The following ADCK1 variants were observed in gnomAD, a reference collection of about 807,000 sequenced individuals.
The protein encoded by ADCK1 is aarF domain-containing protein kinase 1.
ADCK1 carries 41 observed loss-of-function variants against 52.3 expected under a neutral mutation model. The ratio of observed to expected loss-of-function variants is 0.78; its 90% CI spans 0.61 to 1.02. The LOEUF (loss-of-function observed/expected upper bound fraction) is 1.02. ADCK1 is among the 50% of genes least tolerant of loss of function. The probability of loss-of-function intolerance (pLI) is 0.00; values close to 1 mark genes in which losing one functional copy is unlikely to be tolerated. For missense variants in ADCK1, 658 were observed against 679.5 expected, an observed-to-expected ratio of 0.97 and a Z score of 0.35; for synonymous variants, 250 against 274.6, an observed-to-expected ratio of 0.91 and a Z score of 0.89.
chr14:77,819,039 A>G lies in ADCK1; in HGVS notation c.61A>G (p.Ile21Val), dbSNP rs1357828455. The G allele has an allele frequency of 3.7e-6, 6 of 1,614,080 alleles. No individual in the cohort carries two copies. Among genetic ancestry groups the G allele is most frequent in the South Asian group, 3.3e-5 (3 of 91,082 alleles). ...CAGCATGGCTCTTGCTGCCTCTGGC[A>G]TCTACTTCTACAGTAACAAGTACTT... is the stretch of plus-strand genomic sequence containing the variant. ...WTSMALAASG[I>V]YFYSNKYLDP... is the part of the protein sequence containing the mutation. Residue 21 changes from isoleucine to valine, a missense_variant, in exon 2 of 11, where the codon ATC (isoleucine) becomes GTC (valine). Physicochemically the swap from Ile to Val is conservative, Grantham distance 29. Coordinates refer to ENST00000238561, the MANE Select transcript of ADCK1 (RefSeq NM_020421.4).
At chr14:77,880,113 T>G (rs1261419705) in intron 4 of ADCK1, among the ~76,000 whole-genome samples, 1 of 152,170 alleles carries the variant, frequency 6.6e-6, no homozygotes, top group Non-Finnish European at 1.5e-5. Flanking sequence ...TGTCTCAGAG[T>G]GCGCACACAG....
At position 77,800,174 on chromosome 14, in the gene ADCK1, A is replaced by T. The variant is rs1274570126; in HGVS notation, c.-12+4A>T. On this transcript the variant is annotated splice_donor_region_variant and intron_variant, in intron 1 of 10. Coordinates refer to ENST00000238561, the MANE Select transcript of ADCK1 (RefSeq NM_020421.4). Reference sequence around the variant, plus strand: ...CCGCGGCTCTGCTTCCCTCGGGGTGAGTAGGGGCAGCTCGCCGGAGGCCGG... The same window carrying T: ...CCGCGGCTCTGCTTCCCTCGGGGTGTGTAGGGGCAGCTCGCCGGAGGCCGG... The T allele has an allele frequency of 2.0e-5, 3 of 152,320 alleles. No homozygotes were observed. The highest frequency in any genetic ancestry group is 6.5e-5 in the Admixed American group (1 of 15,288). 9.4% of individuals were successfully genotyped at this position (152,320 alleles called of 1,614,324 possible). A position where few individuals can be genotyped will look rare whatever the true frequency, so the allele number is the denominator to read the frequency against.
intron 3 of ADCK1, 124 bp from the exon 4 acceptor site, chr14:77,858,952 A>C: frequency 2.3e-6 from 2 of 858,614 alleles, no homozygotes; most frequent in Admixed American, 2.4e-5. Flanking sequence ...GTGTGTGTGC[A>C]TGCATCTGCC....
intron 4 of ADCK1, among the ~76,000 whole-genome samples, chr14:77,864,067 C>T (rs1761446642): frequency 6.6e-6 from 1 of 152,084 alleles, no homozygotes; most frequent in Non-Finnish European, 1.5e-5. Context: ...ACCCCCTGGT[C>T]TTTCCTCCCA....
At chr14:77,813,956 CAG>C (rs1414026486) in intron 1 of ADCK1, among the ~76,000 whole-genome samples, 2 of 151,506 alleles carry the variant, frequency 1.3e-5, no homozygotes, top group African/African-American at 2.4e-5. Flanking sequence ...TTAGTAGAGA[CAG>C]GGTTTTGCCA....
intron 1 of ADCK1, among the ~76,000 whole-genome samples, chr14:77,814,792 A>G (rs1253765755): frequency 6.6e-6 from 1 of 151,290 alleles, no homozygotes; most frequent in African/African-American, 2.4e-5. Context: ...TAAAATGCAC[A>G]TTCTTGAATC....
Position 77,925,798 on chromosome 14 carries a change from A to G in ADCK1, c.1043A>G (p.His348Arg). 3 of 1,614,130 alleles carry G rather than the reference A, an allele frequency of 1.9e-6. No homozygotes were observed. Among genetic ancestry groups the G allele is most frequent in the Non-Finnish European group, 2.5e-6 (3 of 1,179,990 alleles). ...GAAGAATTCCGCCTGAATTACTGCC[A>G]CCTCTGGCAGTCTCTGATCTGGACT... ...LTEEFRLNYC[H>R]LWQSLIWTDM... Residue 348 changes from histidine to arginine, a missense_variant, in exon 9 of 11, where the codon CAC becomes CGC. By Grantham distance (29) the His-to-Arg change is conservative (BLOSUM62 0). Coordinates refer to ENST00000238561, the MANE Select transcript of ADCK1 (RefSeq NM_020421.4).
At chr14:77,852,656 AATAAATATATATATATATATATAT>A (rs1382939436) in intron 3 of ADCK1, among the ~76,000 whole-genome samples, 313 of 26,186 alleles carry the variant, frequency 0.012, 14 homozygotes, top group African/African-American at 0.027. Context: ...TCTTTAAATA[AATAAATATATATATATATATATAT>A]ATATATATAT....
intron 8 of ADCK1, among the ~76,000 whole-genome samples, chr14:77,924,905 T>C (rs1227514142): frequency 6.6e-6 from 1 of 152,210 alleles, no homozygotes; most frequent in East Asian, 1.9e-4. Flanking sequence ...GCAAGGATCC[T>C]CAGAAGTGAG....
At chr14:77,899,609 T>G (rs2083487095) in intron 6 of ADCK1, among the ~76,000 whole-genome samples, 1 of 152,352 alleles carries the variant, frequency 6.6e-6, no homozygotes, top group Non-Finnish European at 1.5e-5. Flanking sequence ...CTAACACTAC[T>G]GTACGCTGGG....
At chr14:77,873,705 G>T (rs2082836474) in intron 4 of ADCK1, among the ~76,000 whole-genome samples, 1 of 152,124 alleles carries the variant, frequency 6.6e-6, no homozygotes, top group Non-Finnish European at 1.5e-5. Flanking sequence ...TTTATAAGGG[G>T]CTTCCCCCTT....
At chr14:77,914,325 TG>T in intron 7 of ADCK1, 1 of 783,016 alleles carries the variant, frequency 1.3e-6, no homozygotes, top group Non-Finnish European at 1.5e-6. Context: ...GTCACTTTAG[TG>T]GGGTTCGTGA....
At chr14:77,870,417 A>C (rs2082751833) in intron 4 of ADCK1, among the ~76,000 whole-genome samples, 1 of 152,220 alleles carries the variant, frequency 6.6e-6, no homozygotes, top group South Asian at 2.1e-4. Context: ...AGGTCTTAGA[A>C]GTAAAGTCAA....
chr14:77,859,469 G>A (rs2082497182), intron 4 of ADCK1, among the ~76,000 whole-genome samples, 190 bp downstream of exon 4: 1 of 152,184 alleles, frequency 6.6e-6, no homozygotes, highest in Non-Finnish European at 1.5e-5. Context: ...AAACATACCA[G>A]TTCAACCATA....
At chr14:77,891,447 G>A (rs1164385571) in intron 5 of ADCK1, among the ~76,000 whole-genome samples, 1 of 152,210 alleles carries the variant, frequency 6.6e-6, no homozygotes, top group Non-Finnish European at 1.5e-5. Flanking sequence ...GGGCCCACTT[G>A]GACAGTGAGG....
At chr14:77,867,224 C>G (rs2140156718) in intron 4 of ADCK1, among the ~76,000 whole-genome samples, 1 of 152,292 alleles carries the variant, frequency 6.6e-6, no homozygotes, top group Non-Finnish European at 1.5e-5. Context: ...ACTTGCTTCT[C>G]CTGGTCCTGA....
chr14:77,875,842 G>A (rs61990737), intron 4 of ADCK1, among the ~76,000 whole-genome samples: 3 of 152,114 alleles, frequency 2.0e-5, no homozygotes, highest in African/African-American at 4.8e-5. Context: ...AAGTGTCCTC[G>A]CCTGGCATGG....
chr14:77,918,513 A>T (rs2083979012), intron 7 of ADCK1, among the ~76,000 whole-genome samples: 1 of 152,170 alleles, frequency 6.6e-6, no homozygotes. Context: ...GGACACAATG[A>T]TCTGTTCTTA....
At chr14:77,845,892 G>A (rs898336218) in intron 3 of ADCK1, among the ~76,000 whole-genome samples, 1 of 152,076 alleles carries the variant, frequency 6.6e-6, no homozygotes, top group African/African-American at 2.4e-5. Flanking sequence ...GGTTTGAAGT[G>A]CTCCTGGAAT....
Sources: allele counts gnomAD v4.1 joint callset (sites outside exome capture counted in the v4.1 genomes callset), GRCh38; gene constraint gnomAD v4.1.1; transcripts MANE v1.5; gene names NCBI Gene and HGNC (gene_info 2026-07-23, HGNC 2026-07-21).